DSG4: variants seen among roughly 807,000 people sequenced by gnomAD.
The protein encoded by DSG4 is desmoglein-4.
In DSG4, 87 loss-of-function variants were observed where a neutral mutation model predicts 93.1. That is an observed-to-expected ratio of 0.93 (90% CI 0.79 to 1.12). DSG4 has a LOEUF of 1.12. Ranked by LOEUF, DSG4 falls within the 50% of genes most tolerant of loss-of-function variation. DSG4 has a pLI of 0.00. For missense variants in DSG4, 1,373 were observed against 1,285.7 expected (o/e 1.07, Z -1.04); for synonymous variants, 432 against 452.9 (o/e 0.95, Z 0.59).
intron 14 of DSG4, among the ~76,000 whole-genome samples, chr18:31,410,770 C>T (rs1398790654): frequency 6.6e-6 from 1 of 152,116 alleles, no homozygotes; most frequent in Non-Finnish European, 1.5e-5. Context: ...CCAAGCTTGG[C>T]CCTTTGTATG....
In DSG4 at chr18:31,400,869, A is replaced by G; in HGVS notation, c.1278-12A>G. The G allele has an allele frequency of 1.2e-6, 2 of 1,611,196 alleles. No homozygotes were observed. Among genetic ancestry groups the G allele is most frequent in the Non-Finnish European group, 1.7e-6 (2 of 1,178,472 alleles). The stretch of plus-strand genomic sequence containing the variant: ...TAAAAGCATGATAACGAACTTTTTT[A>G]TTTAAAAACAGATATATCATAGGGC... On this transcript the variant is annotated splice_polypyrimidine_tract_variant and intron_variant, in intron 9 of 15. Coordinates refer to ENST00000308128, the MANE Select transcript of DSG4 (RefSeq NM_177986.5).
chr18:31,408,271 C>T (rs118033774), intron 12 of DSG4, among the ~76,000 whole-genome samples: 1,746 of 152,294 alleles, frequency 0.011, 18 homozygotes, highest in Middle Eastern at 0.044. Context: ...GCTAAAAACA[C>T]TTCATTTCAT....
At chr18:31,384,575 C>A (rs191266130) in intron 1 of DSG4, among the ~76,000 whole-genome samples, 308 of 152,254 alleles carry the variant, frequency 2.0e-3, no homozygotes, top group Admixed American at 3.3e-3. Context: ...TAAATTCCAA[C>A]TGACAAAGAA....
At chr18:31,386,854 T>C (rs747434090) in intron 3 of DSG4, 35 bp downstream of exon 3, 1 of 1,612,024 alleles carries the variant, frequency 6.2e-7, no homozygotes, top group Admixed American at 1.7e-5. Flanking sequence ...CAAATGCTTT[T>C]GCAGAGCAGG....
chr18:31,387,366 A>G (rs531699024), intron 3 of DSG4, among the ~76,000 whole-genome samples: 1 of 152,276 alleles, frequency 6.6e-6, no homozygotes, highest in South Asian at 2.1e-4. Flanking sequence ...CTCTTTCTGG[A>G]CATCTTGATC....
At chr18:31,401,128 T>C in intron 10 of DSG4, 108 bp downstream of exon 10, 3 of 966,450 alleles carry the variant, frequency 3.1e-6, no homozygotes, top group South Asian at 3.9e-5. Flanking sequence ...TAATGGTGTA[T>C]GCAAGACTTA....
At chr18:31,412,075 C>T (rs372749642) in intron 15 of DSG4, among the ~76,000 whole-genome samples, 1 of 152,154 alleles carries the variant, frequency 6.6e-6, no homozygotes, top group African/African-American at 2.4e-5. Context: ...TATGCACCCC[C>T]ATGTTTATTG....
chr18:31,406,456 G>A, intron 12 of DSG4, 83 bp downstream of exon 12: 3 of 1,559,322 alleles, frequency 1.9e-6, no homozygotes, highest in Non-Finnish European at 2.6e-6. Context: ...TTAGGTTCAT[G>A]GAGCCATTTC....
Position 31,413,773 on chromosome 18 carries a change from T to C in DSG4, c.*178T>C. 1.3e-6 allele frequency: 1 copy of C among 792,274 alleles called. No individual in the cohort carries two copies. The highest frequency in any genetic ancestry group is 2.9e-5 in the Admixed American group (1 of 34,322). The allele number at this position is 792,274 out of a possible 1,614,324, so 49.1% of individuals were successfully genotyped here. On this transcript the variant is annotated 3_prime_UTR_variant, in exon 16 of 16. Transcript: ENST00000308128. ...GGTGAATATGGCTAGGCACTTTAGA[T>C]AAGCCTTTTTAAAATTCTTTCTGAT...
At chr18:31,378,353 G>A (rs922887686) in intron 1 of DSG4, among the ~76,000 whole-genome samples, 12 of 152,154 alleles carry the variant, frequency 7.9e-5, no homozygotes, top group African/African-American at 2.2e-4. Context: ...CTCTTCTACC[G>A]AGTATATTCA....
chr18:31,400,757 AG>A, intron 9 of DSG4, 123 bp from the exon 10 acceptor site: 1 of 942,544 alleles, frequency 1.1e-6, no homozygotes, highest in Non-Finnish European at 1.6e-6. Flanking sequence ...TTATAAACCA[AG>A]GCAATCATCA....
chr18:31,380,543 G>A (rs929664228), intron 1 of DSG4, among the ~76,000 whole-genome samples: 5 of 152,212 alleles, frequency 3.3e-5, no homozygotes, highest in Admixed American at 6.5e-5. Context: ...TCTTTTCTAC[G>A]CAGAAAATTA....
intron 8 of DSG4, among the ~76,000 whole-genome samples, chr18:31,397,558 G>C (rs2072318886): frequency 6.6e-6 from 1 of 152,056 alleles, no homozygotes; most frequent in Non-Finnish European, 1.5e-5. Context: ...GTTGACCCCA[G>C]AACAATTTCC....
At chr18:31,395,857 G>A (rs1255051830) in intron 8 of DSG4, among the ~76,000 whole-genome samples, 4 of 152,020 alleles carry the variant, frequency 2.6e-5, no homozygotes, top group South Asian at 2.1e-4. Flanking sequence ...GGTGTGGGGC[G>A]GTCACCTGTA....
chr18:31,400,952 G>C lies in DSG4; in HGVS notation c.1349G>C (p.Arg450Thr). The C allele has an allele frequency of 6.2e-7, 1 of 1,612,296 alleles. No individual in the cohort carries two copies. The highest frequency in any genetic ancestry group is 1.3e-5 in the African/African-American group (1 of 74,972). ...AGAACTGGTGAGATACAATTTTCTAGAGAATTTGATAAGAAGTCAAAATAT... is the reference window on the plus strand; with the variant it reads ...AGAACTGGTGAGATACAATTTTCTACAGAATTTGATAAGAAGTCAAAATAT... ...DSRTGEIQFSREFDKKSKYII... is the reference protein window; with the variant it reads ...DSRTGEIQFSTEFDKKSKYII... Residue 450 changes from arginine (R) to threonine (T), a missense_variant, in exon 10 of 16, where the codon AGA becomes ACA. Coordinates refer to ENST00000308128, the MANE Select transcript of DSG4 (RefSeq NM_177986.5).
At chr18:31,397,145 T>A (rs960152866) in intron 8 of DSG4, among the ~76,000 whole-genome samples, 5 of 152,116 alleles carry the variant, frequency 3.3e-5, no homozygotes, top group African/African-American at 9.7e-5. Flanking sequence ...AACAAAAAAA[T>A]TGGATGTGAG....
chr18:31,407,859 A>C (rs1191626643), intron 12 of DSG4, among the ~76,000 whole-genome samples: 1 of 152,208 alleles, frequency 6.6e-6, no homozygotes, highest in Non-Finnish European at 1.5e-5. Flanking sequence ...AATTAGTTAA[A>C]GGTCTTCCAA....
intron 3 of DSG4, 91 bp downstream of exon 3, chr18:31,386,910 A>G (rs1419148056): frequency 6.3e-7 from 1 of 1,580,678 alleles, no homozygotes; most frequent in South Asian, 1.1e-5. Flanking sequence ...ACTGCTCCAC[A>G]GTTATTTAAG....
chr18:31,382,364 C>T (rs1454843723), intron 1 of DSG4: 1 of 152,238 alleles, frequency 6.6e-6, no homozygotes, highest in Non-Finnish European at 1.5e-5. Context: ...CTCACAGCCA[C>T]TTGCAGGTCA....
Sources: allele counts gnomAD v4.1 joint callset (sites outside exome capture counted in the v4.1 genomes callset), GRCh38; gene constraint gnomAD v4.1.1; transcripts MANE v1.5; gene names NCBI Gene and HGNC (gene_info 2026-07-23, HGNC 2026-07-21).